The following PDK1 variants were observed in gnomAD, a reference collection of about 807,000 sequenced individuals.
PDK1 encodes the protein [Pyruvate dehydrogenase (acetyl-transferring)] kinase isozyme 1, mitochondrial.
Under a neutral mutation model 54.2 loss-of-function variants are expected in PDK1, and 39 were observed. The observed-to-expected ratio is 0.72, with a 90% CI of 0.56 to 0.94. The LOEUF is 0.94. Ranked by LOEUF, PDK1 falls within the 40% of genes least tolerant of loss-of-function variation. The probability of loss-of-function intolerance (pLI) is 0.00; values close to 1 mark genes in which losing one functional copy is unlikely to be tolerated. For synonymous variants in PDK1, 221 were observed against 207.1 expected, an observed-to-expected ratio of 1.07 and a Z score of -0.58; for missense variants, 552 against 566.0, an observed-to-expected ratio of 0.98 and a Z score of 0.25.
chr2:172,675,955 C>G, the PDK1 span, among the ~76,000 whole-genome samples: 3 of 152,038 alleles, frequency 2.0e-5, no homozygotes, highest in Non-Finnish European at 4.4e-5. Context: ...TCTGAAAATC[C>G]TAGGGCCCTT....
Position 172,556,119 on chromosome 2 carries a change from T to C in PDK1, c.-32T>C, listed in dbSNP as rs1255241733. 3 of 1,366,324 alleles carry C rather than the reference T, an allele frequency of 2.2e-6. No individual in the cohort carries two copies. In the Admixed American group the frequency reaches 1.2e-4, roughly 53 times the overall value. 84.6% of individuals were successfully genotyped at this position (1,366,324 alleles called of 1,614,324 possible). ...GGCAGAGGCGCGGGGAAACCTGGCG[T>C]ACTGGCTGTGGCTTCTCTAGCGGGA... On this transcript the variant is annotated 5_prime_UTR_variant, in exon 1 of 11. Coordinates refer to ENST00000282077, the MANE Select transcript of PDK1 (RefSeq NM_002610.5).
At position 172,602,942 on chromosome 2, in the gene PDK1, T is replaced by TA. The variant is rs1413374815; in HGVS notation, c.*6974dup. The TA allele has an allele frequency of 7.2e-5, 11 of 152,322 alleles. No individual in the cohort carries two copies. The highest frequency in any genetic ancestry group is 2.6e-4 in the African/African-American group (11 of 41,588). 9.4% of individuals were successfully genotyped at this position (152,322 alleles called of 1,614,324 possible). A position where few individuals can be genotyped will look rare whatever the true frequency, so the allele number is the denominator to read the frequency against. ...GTGGTGCACAGCTGAACTTGATTGT[T>TA]ACTCTTGGATCAGGGTTGGCTTGAT... On this transcript the variant is annotated 3_prime_UTR_variant, in exon 11 of 11. Coordinates refer to ENST00000282077, the MANE Select transcript of PDK1 (RefSeq NM_002610.5).
chr2:172,570,840 GGTTT>G lies in PDK1; in HGVS notation c.945+21_945+24del. 1.4e-6 allele frequency: 2 copies of G among 1,465,604 alleles called. No individual in the cohort carries two copies. Among genetic ancestry groups the G allele is most frequent in the Non-Finnish European group, 1.9e-6 (2 of 1,059,754 alleles). 90.8% of individuals were successfully genotyped at this position (1,465,604 alleles called of 1,614,324 possible). ...GACTGTGAAGGTAAATGTGTTTAATGGTTTGTTTTCTTTTTTTTTTTTTTGTAAT... is the reference window on the plus strand; with the variant it reads ...GACTGTGAAGGTAAATGTGTTTAATGGTTTTCTTTTTTTTTTTTTTGTAAT... On this transcript the variant is annotated intron_variant, in intron 8 of 10. Transcript: ENST00000282077.
the PDK1 span, among the ~76,000 whole-genome samples, chr2:172,672,695 AAC>A: frequency 2.6e-5 from 4 of 152,124 alleles, no homozygotes; most frequent in African/African-American, 9.7e-5. Context: ...GTAGAAACAT[AAC>A]AGTGTTAATA....
chr2:172,622,134 T>TC, the PDK1 span, among the ~76,000 whole-genome samples: 276 of 132,680 alleles, frequency 2.1e-3, 1 homozygote, highest in African/African-American at 7.4e-3. Context: ...TATCTCATAT[T>TC]ATGTGAGATA....
chr2:172,705,446 ACT>A, the PDK1 span, among the ~76,000 whole-genome samples: 1 of 152,034 alleles, frequency 6.6e-6, no homozygotes, highest in East Asian at 1.9e-4. Flanking sequence ...TTTGAGTGAA[ACT>A]CTCTCTATTC....
rs181276492 is a variant in PDK1, at chr2:172,564,679, A to G, written c.587A>G (p.Asn196Ser). The G allele has an allele frequency of 1.3e-4, 203 of 1,612,862 alleles. No individual in the cohort carries two copies. The highest frequency in any genetic ancestry group is 1.7e-4 in the Middle Eastern group (1 of 6,060). The change falls in exon 4 of 11, where the codon AAT (asparagine) becomes AGT (serine). Residue 196 changes from asparagine (N) to serine (S), a missense_variant. Coordinates refer to ENST00000282077, the MANE Select transcript of PDK1 (RefSeq NM_002610.5). Reference protein sequence around the residue: ...MSRISIRMLLNQHSLLFGGKG... With the variant: ...MSRISIRMLLSQHSLLFGGKG... ...CGCATTTCAATTAGAATGTTACTCA[A>G]TCAGCACTGTAAGTGTCCCTCATGA...
the PDK1 span, among the ~76,000 whole-genome samples, chr2:172,629,487 G>C: frequency 6.6e-6 from 1 of 152,038 alleles, no homozygotes; most frequent in East Asian, 1.9e-4. Context: ...GAGTTCAGCC[G>C]GGGAAGACCG....
At chr2:172,622,604 T>TATTATGTGAGATATGTTTATCTC in the PDK1 span, among the ~76,000 whole-genome samples, 2 of 148,544 alleles carry the variant, frequency 1.3e-5, no homozygotes, top group East Asian at 2.1e-4. Flanking sequence ...ATATCTCATA[T>TATTATGTGAGATATGTTTATCTC]ATTATGTGAG....
the PDK1 span, among the ~76,000 whole-genome samples, chr2:172,676,566 C>T: frequency 3.3e-5 from 5 of 152,140 alleles, 1 homozygote; most frequent in African/African-American, 1.2e-4. Flanking sequence ...TTGCTACAAT[C>T]TCATGATAAA....
the PDK1 span, among the ~76,000 whole-genome samples, chr2:172,702,432 G>A: frequency 2.5e-4 from 38 of 151,290 alleles, no homozygotes; most frequent in East Asian, 9.7e-4. Context: ...AGCCGAGATC[G>A]TGCCATTGCA....
the PDK1 span, among the ~76,000 whole-genome samples, chr2:172,679,610 G>T: frequency 1.3e-5 from 2 of 152,202 alleles, no homozygotes; most frequent in African/African-American, 2.4e-5. Context: ...GTTTGGATCA[G>T]TGATGACCAT....
At chr2:172,624,881 G>C in the PDK1 span, among the ~76,000 whole-genome samples, 3 of 151,982 alleles carry the variant, frequency 2.0e-5, no homozygotes, top group Non-Finnish European at 4.4e-5. Flanking sequence ...CCAGCTACTC[G>C]GGAGGGTGAG....
chr2:172,702,475 TAA>T, the PDK1 span, among the ~76,000 whole-genome samples: 27,623 of 141,004 alleles, frequency 0.2, 3,114 homozygotes, highest in African/African-American at 0.32. Flanking sequence ...AGACTTTGTT[TAA>T]AAAAAAAAAA....
At chr2:172,640,906 C>CTCCTTCCTTCCCTCCCT in the PDK1 span, among the ~76,000 whole-genome samples, 1 of 150,976 alleles carries the variant, frequency 6.6e-6, no homozygotes, top group South Asian at 2.1e-4. Context: ...CCCTCCCTCC[C>CTCCTTCCTTCCCTCCCT]TCCTTCCTTC....
rs990000227 is a variant in PDK1 at position 172,604,409 on chromosome 2, C to A, written c.*8440C>A. 4.0e-4 allele frequency: 61 copies of A among 152,106 alleles called. No homozygotes were observed. Among genetic ancestry groups the A allele is most frequent in the African/African-American group, 1.4e-3 (59 of 41,394 alleles). The allele number at this position is 152,106 out of a possible 1,614,324, so 9.4% of individuals were successfully genotyped here. ...TTGCCTTTGATTTCTTTCATTGTTA[C>A]TTTGTAGTTTTCAGCTTACAGATTC... On this transcript the variant is annotated 3_prime_UTR_variant, in exon 11 of 11. Transcript: ENST00000282077.
intron 8 of PDK1, among the ~76,000 whole-genome samples, chr2:172,580,238 C>CT (rs11287577): frequency 3.2e-4 from 41 of 127,306 alleles, no homozygotes; most frequent in African/African-American, 6.5e-4. Flanking sequence ...GAATGTATCA[C>CT]TTTTTTTTTT....
the PDK1 span, among the ~76,000 whole-genome samples, chr2:172,658,309 C>T: frequency 6.6e-6 from 1 of 152,142 alleles, no homozygotes; most frequent in East Asian, 1.9e-4. Context: ...TTTATCACTT[C>T]CCTGATAATA....
At chr2:172,720,658 T>C in the PDK1 span, among the ~76,000 whole-genome samples, 1 of 152,174 alleles carries the variant, frequency 6.6e-6, no homozygotes, top group Admixed American at 6.5e-5. Context: ...GAGACTTCTA[T>C]TAGTAATGGT....
Sources: gnomAD v4.1 joint callset for allele counts (sites outside exome capture counted in the v4.1 genomes callset) on GRCh38, gnomAD v4.1.1 for gene constraint, MANE v1.5 for transcripts, NCBI Gene and HGNC (gene_info 2026-07-23, HGNC 2026-07-21) for gene names.